The following SPMAP2L variants were observed in gnomAD, a reference collection of about 807,000 sequenced individuals.
SPMAP2L encodes the protein sperm microtubule associated protein 2 like.
the SPMAP2L span, among the ~76,000 whole-genome samples, chr4:56,567,949 C>T: frequency 6.6e-6 from 1 of 152,112 alleles, no homozygotes; most frequent in Non-Finnish European, 1.5e-5. Flanking sequence ...GCTCCTCCTT[C>T]TTTGCGGGCT....
chr4:56,607,882 A>G, the SPMAP2L span, among the ~76,000 whole-genome samples: 3 of 151,888 alleles, frequency 2.0e-5, no homozygotes, highest in African/African-American at 7.3e-5. Context: ...CTGTAGTCCA[A>G]GCTACTCAGA....
the SPMAP2L span, among the ~76,000 whole-genome samples, chr4:56,560,256 G>A: frequency 1.3e-5 from 2 of 152,112 alleles, no homozygotes; most frequent in Non-Finnish European, 1.5e-5. Flanking sequence ...GACTCCTGCC[G>A]AGGACTGGCC....
chr4:56,594,278 C>A, the SPMAP2L span: 1 of 1,568,202 alleles, frequency 6.4e-7, no homozygotes, highest in Non-Finnish European at 8.8e-7. Context: ...TATGAAGAAA[C>A]TGGAAAATAA....
chr4:56,537,115 C>T, the SPMAP2L span, among the ~76,000 whole-genome samples: 18 of 152,160 alleles, frequency 1.2e-4, no homozygotes, highest in Admixed American at 6.5e-5. Flanking sequence ...TCTAACACAA[C>T]TGGCTACTCC....
chr4:56,559,352 C>CG, the SPMAP2L span: 2 of 1,207,676 alleles, frequency 1.7e-6, no homozygotes, highest in African/African-American at 3.1e-5. Flanking sequence ...CACTAGCAAT[C>CG]AATTTTTTTT....
chr4:56,544,146 G>A, the SPMAP2L span, among the ~76,000 whole-genome samples: 1 of 151,884 alleles, frequency 6.6e-6, no homozygotes, highest in Non-Finnish European at 1.5e-5. Flanking sequence ...GAGCCACCAC[G>A]CCCGGCTAAT....
chr4:56,535,661 GT>G, the SPMAP2L span, among the ~76,000 whole-genome samples: 2 of 152,180 alleles, frequency 1.3e-5, no homozygotes, highest in Non-Finnish European at 2.9e-5. Context: ...TGTCTGAGGG[GT>G]TTTGTCTGTG....
At chr4:56,603,707 C>T in the SPMAP2L span, among the ~76,000 whole-genome samples, 1 of 152,194 alleles carries the variant, frequency 6.6e-6, no homozygotes, top group Non-Finnish European at 1.5e-5. Flanking sequence ...GATCCTACCT[C>T]AGTCCCTTCT....
At chr4:56,594,305 C>G in the SPMAP2L span, 6 of 1,537,860 alleles carry the variant, frequency 3.9e-6, no homozygotes, top group Non-Finnish European at 5.4e-6. Flanking sequence ...TTCCCTTGTT[C>G]ACAGCATGAT....
chr4:56,592,991 T>G, the SPMAP2L span: 1 of 1,603,522 alleles, frequency 6.2e-7, no homozygotes, highest in Non-Finnish European at 8.5e-7. Context: ...AGACCCTGTT[T>G]GTGAAAATGA....
the SPMAP2L span, among the ~76,000 whole-genome samples, chr4:56,598,407 TAAAC>T: frequency 3.3e-5 from 5 of 152,106 alleles, no homozygotes; most frequent in Non-Finnish European, 7.4e-5. Context: ...ATACAGTCAA[TAAAC>T]AAAGTGATAA....
At chr4:56,563,553 AC>A in the SPMAP2L span, among the ~76,000 whole-genome samples, 1 of 152,200 alleles carries the variant, frequency 6.6e-6, no homozygotes, top group African/African-American at 2.4e-5. Context: ...GCTTAAAGTA[AC>A]AAGAGAAGGA....
chr4:56,595,061 C>A, the SPMAP2L span: 1 of 1,609,606 alleles, frequency 6.2e-7, no homozygotes, highest in Non-Finnish European at 8.5e-7. Context: ...ACCGTCAGTG[C>A]GGCCCCATGG....
the SPMAP2L span, among the ~76,000 whole-genome samples, chr4:56,542,147 G>T: frequency 2.0e-5 from 3 of 152,232 alleles, no homozygotes; most frequent in Non-Finnish European, 4.4e-5. Context: ...TCTGCCTCAG[G>T]CTCTGTTTGC....
At chr4:56,614,671 T>C in the SPMAP2L span, among the ~76,000 whole-genome samples, 2 of 152,156 alleles carry the variant, frequency 1.3e-5, no homozygotes, top group Non-Finnish European at 2.9e-5. Flanking sequence ...AAGTTTTCTC[T>C]GATCTTGCCT....
the SPMAP2L span, chr4:56,530,982 A>G: frequency 1.3e-6 from 2 of 1,533,612 alleles, no homozygotes; most frequent in Non-Finnish European, 1.7e-6. Context: ...CACCTTACGA[A>G]CTCCATGGGC....
At chr4:56,577,739 T>C in the SPMAP2L span, among the ~76,000 whole-genome samples, 1,042 of 152,296 alleles carry the variant, frequency 6.8e-3, 16 homozygotes, top group African/African-American at 0.024. Context: ...GCAGACCTGC[T>C]TTACGAGAAA....
chr4:56,530,992 C>G, the SPMAP2L span: 3 of 1,535,356 alleles, frequency 2.0e-6, no homozygotes, highest in South Asian at 3.6e-5. Context: ...ACTCCATGGG[C>G]CCCATGCAGC....
chr4:56,594,483 A>C, the SPMAP2L span: 2 of 1,606,372 alleles, frequency 1.2e-6, no homozygotes, highest in Non-Finnish European at 1.7e-6. Flanking sequence ...ACAGGTTATG[A>C]CCAGGTCTGT....
Sources: allele counts gnomAD v4.1 joint callset (sites outside exome capture counted in the v4.1 genomes callset), GRCh38; gene constraint gnomAD v4.1.1; transcripts MANE v1.5; gene names NCBI Gene and HGNC (gene_info 2026-07-23, HGNC 2026-07-21).